Variants in SGTB observed in about 807,000 individuals in gnomAD.
SGTB encodes the protein small glutamine rich tetratricopeptide repeat co-chaperone beta.
A neutral mutation model predicts 43.9 loss-of-function variants in SGTB; 19 were observed. The ratio of observed to expected loss-of-function variants is 0.43; its 90% confidence interval spans 0.30 to 0.63. The LOEUF is 0.63. Among genes scored for constraint, SGTB ranks in the 30% least tolerant of loss-of-function variants. SGTB has a pLI of 0.12. For synonymous variants in SGTB, 116 were observed against 117.3 expected (o/e 0.99, Z 0.07); for missense variants, 304 against 358.9 (o/e 0.85, Z 1.24).
At chr5:65,690,664 A>T (rs1320784729) in intron 5 of SGTB, among the ~76,000 whole-genome samples, 2 of 152,202 alleles carry the variant, frequency 1.3e-5, no homozygotes, top group African/African-American at 4.8e-5. Context: ...GGATAGAGAG[A>T]GGTATTATTT....
At chr5:65,718,998 T>C (rs188064858) in intron 2 of SGTB, among the ~76,000 whole-genome samples, 3 of 152,272 alleles carry the variant, frequency 2.0e-5, no homozygotes. Context: ...AGATAACCAA[T>C]CAACTTTATT....
intron 2 of SGTB, among the ~76,000 whole-genome samples, chr5:65,714,937 C>T (rs972501): frequency 0.58 from 88,089 of 152,018 alleles, 26,131 homozygotes; most frequent in Non-Finnish European, 0.65. Context: ...GGGAGAATAA[C>T]GTAACTAAAT....
rs1197574944 is a variant in SGTB at position 65,703,962 on chromosome 5, C to T, written c.374+317G>A. ...CTGAGGCAGGAGAAGGGCGTGAACC[C>T]GGGAAGCGGAGCTTGCAGTGAGCCG... On this transcript the variant is annotated intron_variant, in intron 5 of 10. Coordinates refer to ENST00000381007, the MANE Select transcript of SGTB (RefSeq NM_019072.3). Among the ~76,000 whole-genome samples the T allele has an allele frequency of 4.0e-5, 6 of 149,466 alleles. No individual in the cohort carries two copies. The South Asian group carries it at 8.5e-4, about 21-fold the overall frequency.
At chr5:65,706,847 T>C (rs1757942461) in intron 4 of SGTB, among the ~76,000 whole-genome samples, 1 of 151,484 alleles carries the variant, frequency 6.6e-6, no homozygotes, top group South Asian at 2.1e-4. Context: ...AGGAACAAAG[T>C]AGCAAAAATA....
At chr5:65,702,991 G>C (rs1281320094) in intron 5 of SGTB, among the ~76,000 whole-genome samples, 1 of 152,170 alleles carries the variant, frequency 6.6e-6, no homozygotes, top group African/African-American at 2.4e-5. Flanking sequence ...TTTCAAAGAA[G>C]ATGGGACAGT....
chr5:65,707,395 T>TACACACAC (rs35011866), intron 4 of SGTB, among the ~76,000 whole-genome samples: 1,415 of 133,648 alleles, frequency 0.011, 14 homozygotes, highest in African/African-American at 0.022. Flanking sequence ...GCTGATTTTA[T>TACACACAC]ACACACACAC....
intron 5 of SGTB, among the ~76,000 whole-genome samples, chr5:65,695,593 C>T (rs539055308): frequency 6.6e-6 from 1 of 152,194 alleles, no homozygotes; most frequent in African/African-American, 2.4e-5. Flanking sequence ...TGGAACAGTA[C>T]AGTCAGAGTC....
At chr5:65,685,525 T>C in intron 5 of SGTB, 53 bp from the exon 6 acceptor site, 21 of 1,513,094 alleles carry the variant, frequency 1.4e-5, no homozygotes, top group Non-Finnish European at 1.9e-5. Context: ...GGCACTAATT[T>C]AGATTTTCAG....
Position 65,668,153 on chromosome 5 carries a change from T to C in SGTB, c.*2093A>G, listed in dbSNP as rs2150699563. On this transcript the variant is annotated 3_prime_UTR_variant, in exon 11 of 11. Transcript: ENST00000381007. ...TTTTCAGTAGAGGTGGGTTTCACCA[T>C]GTTGGCCAGGCTGGTCTCAAACTCC... 1 of 152,030 alleles carries C rather than the reference T, an allele frequency of 6.6e-6. No homozygotes were observed. The highest frequency in any genetic ancestry group is 2.0e-4 in the East Asian group (1 of 5,038). 9.4% of individuals were successfully genotyped at this position (152,030 alleles called of 1,614,324 possible).
Position 65,666,462 on chromosome 5 carries a change from A to G in SGTB, c.*3784T>C, listed in dbSNP as rs1030378406. The G allele has an allele frequency of 6.6e-6, 1 of 152,214 alleles. No homozygotes were observed. The highest frequency in any genetic ancestry group is 1.5e-5 in the Non-Finnish European group (1 of 68,018). 9.4% of individuals were successfully genotyped at this position (152,214 alleles called of 1,614,324 possible). ...ATAATAGCTACAGCTACTACAAGAA[A>G]TATGGTTAATGGAAGTCAAACATTT... On this transcript the variant is annotated 3_prime_UTR_variant, in exon 11 of 11. Transcript: ENST00000381007.
Position 65,715,830 on chromosome 5 carries a change from C to T in SGTB, c.101-2766G>A, listed in dbSNP as rs192853550. 5.3e-4 allele frequency among the ~76,000 whole-genome samples: 81 copies of T among 152,278 alleles called. 1 individual carries two copies. The highest frequency in any genetic ancestry group is 4.1e-3 in the East Asian group (21 of 5,172). On this transcript the variant is annotated intron_variant, in intron 2 of 10. Transcript: ENST00000381007. ...TATTGCCCAGGCTGGAGTGCAGTGGCGTAATCTTGGCTCACTGTAACCTGT... is the reference window on the plus strand; with the variant it reads ...TATTGCCCAGGCTGGAGTGCAGTGGTGTAATCTTGGCTCACTGTAACCTGT...
intron 5 of SGTB, among the ~76,000 whole-genome samples, chr5:65,703,987 G>A (rs1185139003): frequency 5.4e-5 from 8 of 148,220 alleles, no homozygotes; most frequent in East Asian, 4.0e-4. Context: ...GCAGTGAGCC[G>A]AGATCATGCC....
At chr5:65,672,332 T>A in intron 8 of SGTB, 51 bp from the exon 9 acceptor site, 1 of 1,566,278 alleles carries the variant, frequency 6.4e-7, no homozygotes. Flanking sequence ...TATGTAGGGA[T>A]CTTAGCAAAG....
At chr5:65,710,995 C>CAA (rs982877268) in intron 3 of SGTB, among the ~76,000 whole-genome samples, 34 of 93,100 alleles carry the variant, frequency 3.7e-4, no homozygotes, top group African/African-American at 6.3e-4. Flanking sequence ...GACTCTGTCT[C>CAA]AAAAAAAAAA....
At chr5:65,704,050 A>T (rs1224752492) in intron 5 of SGTB, among the ~76,000 whole-genome samples, 12 of 99,360 alleles carry the variant, frequency 1.2e-4, no homozygotes, top group East Asian at 5.4e-4. Flanking sequence ...AAAAAAAAAA[A>T]AATAAATAAA....
intron 5 of SGTB, among the ~76,000 whole-genome samples, chr5:65,695,917 A>G (rs976174070): frequency 3.9e-5 from 6 of 152,350 alleles, no homozygotes; most frequent in African/African-American, 1.4e-4. Context: ...AAAAAGATAC[A>G]GTAACTGCCC....
chr5:65,698,699 A>T (rs1757756539), intron 5 of SGTB, among the ~76,000 whole-genome samples: 1 of 152,204 alleles, frequency 6.6e-6, no homozygotes, highest in African/African-American at 2.4e-5. Flanking sequence ...GAAAAAAACA[A>T]ATTATCCCAC....
At chr5:65,685,310 T>A in intron 6 of SGTB, 58 bp downstream of exon 6, 1 of 1,485,784 alleles carries the variant, frequency 6.7e-7, no homozygotes, top group Non-Finnish European at 9.4e-7. Flanking sequence ...ACCAAGCCAT[T>A]AAGAACAGCA....
At chr5:65,712,610 C>T (rs962900840) in intron 3 of SGTB, among the ~76,000 whole-genome samples, 4 of 152,132 alleles carry the variant, frequency 2.6e-5, no homozygotes, top group South Asian at 2.1e-4. Context: ...CTGTATTCCA[C>T]GTTTTAGGGA....
Sources: allele counts gnomAD v4.1 joint callset (sites outside exome capture counted in the v4.1 genomes callset), GRCh38; gene constraint gnomAD v4.1.1; transcripts MANE v1.5; gene names NCBI Gene and HGNC (gene_info 2026-07-23, HGNC 2026-07-21).